TSNARE1: variants seen among roughly 807,000 people sequenced by gnomAD.
TSNARE1 encodes the protein t-SNARE domain-containing protein 1.
A neutral mutation model predicts 62.0 loss-of-function variants in TSNARE1; 49 were observed. The observed-to-expected ratio is 0.79, with a 90% CI of 0.63 to 1.00. The LOEUF is 1.00. Ranked by LOEUF, TSNARE1 falls within the 50% of genes least tolerant of loss-of-function variation. The pLI, the probability that TSNARE1 is intolerant of heterozygous loss-of-function variation, is 0.00. For synonymous variants in TSNARE1, 328 were observed against 294.4 expected (o/e 1.11, Z -1.17); for missense variants, 755 against 700.1 (o/e 1.08, Z -0.88).
At chr8:142,382,534 G>A (rs544208313) in intron 1 of TSNARE1, among the ~76,000 whole-genome samples, 3 of 152,226 alleles carry the variant, frequency 2.0e-5, no homozygotes, top group South Asian at 4.1e-4. Context: ...ACCCCTGCAC[G>A]CAGCTGCACA....
intron 11 of TSNARE1, chr8:142,277,387 G>A (rs1225473521): frequency 1.0e-6 from 1 of 985,272 alleles, no homozygotes; most frequent in East Asian, 1.1e-4. Flanking sequence ...GGACCCCTGT[G>A]GGAGACCCCC....
chr8:142,377,075 T>C (rs2131141930), intron 1 of TSNARE1, among the ~76,000 whole-genome samples: 1 of 152,326 alleles, frequency 6.6e-6, no homozygotes, highest in Middle Eastern at 3.4e-3. Context: ...ACGGGGGACA[T>C]GGCAGCACCC....
chr8:142,384,109 G>A (rs1836956208), intron 1 of TSNARE1, among the ~76,000 whole-genome samples: 1 of 152,156 alleles, frequency 6.6e-6, no homozygotes, highest in East Asian at 1.9e-4. Flanking sequence ...AACCGGGTGA[G>A]AAGGGCTGGC....
At chr8:142,230,989 A>T (rs1817087799) in intron 12 of TSNARE1, among the ~76,000 whole-genome samples, 3 of 151,002 alleles carry the variant, frequency 2.0e-5, no homozygotes, top group Non-Finnish European at 4.4e-5. Context: ...CCATCCATTC[A>T]ACCATCCATC....
At chr8:142,375,564 C>A (rs932967874) in intron 1 of TSNARE1, among the ~76,000 whole-genome samples, 1 of 152,214 alleles carries the variant, frequency 6.6e-6, no homozygotes, top group Non-Finnish European at 1.5e-5. Context: ...GAATGCTCAG[C>A]CCACTGGGCA....
At chr8:142,347,352 G>A (rs997092666) in intron 2 of TSNARE1, among the ~76,000 whole-genome samples, 3 of 152,240 alleles carry the variant, frequency 2.0e-5, no homozygotes, top group African/African-American at 7.2e-5. Flanking sequence ...AGTCACAGAG[G>A]GAGGGATCCC....
chr8:142,376,017 C>A (rs1836306782), intron 1 of TSNARE1, among the ~76,000 whole-genome samples: 1 of 152,202 alleles, frequency 6.6e-6, no homozygotes, highest in African/African-American at 2.4e-5. Flanking sequence ...CTTCACAAGT[C>A]GGACCAGCCG....
In TSNARE1 at chr8:142,319,923, G is replaced by A. The variant is rs1031725523; in HGVS notation, c.894-1289C>T. Among the ~76,000 whole-genome samples the A allele has an allele frequency of 7.9e-5, 12 of 152,282 alleles. No individual in the cohort carries two copies. Among genetic ancestry groups the A allele is most frequent in the African/African-American group, 2.4e-4 (10 of 41,566 alleles). On this transcript the variant is annotated intron_variant, in intron 6 of 13. Coordinates refer to ENST00000524325, the MANE Select transcript of TSNARE1 (RefSeq NM_145003.5). This position sits in a 1 kb window ranked among gnomAD's most constrained non-coding sequence, Gnocchi z 4.9. Reference sequence around the variant, plus strand: ...CTTCCCCGGGGCCTTGGTCAGGGCCGCCTCCTCCTGCAGCTGGCGTCTGAG... The same window carrying A: ...CTTCCCCGGGGCCTTGGTCAGGGCCACCTCCTCCTGCAGCTGGCGTCTGAG...
intron 12 of TSNARE1, among the ~76,000 whole-genome samples, chr8:142,258,629 G>T (rs1397703042): frequency 6.6e-6 from 1 of 152,078 alleles, no homozygotes; most frequent in Non-Finnish European, 1.5e-5. Flanking sequence ...TCACGGGCAT[G>T]TACCACCACA....
At chr8:142,397,806 G>A (rs373884194) in intron 1 of TSNARE1, among the ~76,000 whole-genome samples, 104 of 152,064 alleles carry the variant, frequency 6.8e-4, no homozygotes, top group African/African-American at 2.0e-3. Context: ...CCAATCCATC[G>A]AGGGGGCCCA....
chr8:142,358,850 G>A (rs187724636), intron 1 of TSNARE1, among the ~76,000 whole-genome samples: 3 of 152,096 alleles, frequency 2.0e-5, no homozygotes, highest in Admixed American at 6.5e-5. Flanking sequence ...CCCCCCAGGT[G>A]CCCCACGCTT....
intron 4 of TSNARE1, among the ~76,000 whole-genome samples, chr8:142,338,450 C>A (rs975942600): frequency 6.6e-6 from 1 of 152,224 alleles, no homozygotes; most frequent in Non-Finnish European, 1.5e-5. Context: ...ACCCTGGACA[C>A]CCAACACCCA....
chr8:142,255,683 CCAT>C (rs1818436602), intron 12 of TSNARE1, among the ~76,000 whole-genome samples: 1 of 40,834 alleles, frequency 2.4e-5, no homozygotes, highest in Non-Finnish European at 6.6e-5. Context: ...ACCACCACCA[CCAT>C]CACCATCACC....
intron 12 of TSNARE1, among the ~76,000 whole-genome samples, chr8:142,250,098 G>A (rs1043292674): frequency 6.6e-6 from 1 of 152,130 alleles, no homozygotes; most frequent in Non-Finnish European, 1.5e-5. Flanking sequence ...GAGACCTGCT[G>A]GAGCCAGGCC....
chr8:142,265,525 G>A (rs1819090075), intron 12 of TSNARE1, among the ~76,000 whole-genome samples: 1 of 152,136 alleles, frequency 6.6e-6, no homozygotes, highest in Admixed American at 6.5e-5. Flanking sequence ...TTCCACTTTG[G>A]GGCCATGGCA....
chr8:142,222,865 CACTCATTCACTT>C (rs1322943521), intron 13 of TSNARE1, among the ~76,000 whole-genome samples: 7 of 151,102 alleles, frequency 4.6e-5, no homozygotes, highest in African/African-American at 1.7e-4. Context: ...CTCATCCACT[CACTCATTCACTT>C]ACTCATCCAC....
rs562163276 is a variant in TSNARE1 at position 142,288,353 on chromosome 8, C to T, written c.1291-3868G>A. The stretch of plus-strand genomic sequence containing the variant: ...GTCAACTTCCACAACCCCAAAAGCG[C>T]GGGCTGGGACACGGTGTTCCCAAGA... On this transcript the variant is annotated intron_variant, in intron 10 of 13. Transcript: ENST00000524325. Among the ~76,000 whole-genome samples the T allele has an allele frequency of 1.1e-4, 16 of 152,370 alleles. No homozygotes were observed. The East Asian group carries it at 2.7e-3, about 26-fold the overall frequency.
intron 10 of TSNARE1, among the ~76,000 whole-genome samples, chr8:142,290,772 G>GC (rs1823613673): frequency 6.6e-6 from 1 of 152,260 alleles, no homozygotes; most frequent in Non-Finnish European, 1.5e-5. Context: ...GGGCCTTGGA[G>GC]CCCCGCCTGG....
intron 10 of TSNARE1, among the ~76,000 whole-genome samples, chr8:142,299,729 C>T (rs898330093): frequency 1.3e-5 from 2 of 152,070 alleles, no homozygotes; most frequent in Non-Finnish European, 1.5e-5. Flanking sequence ...CTCACATGCA[C>T]GCACACACGT....
Sources: gnomAD v4.1 joint callset for allele counts (sites outside exome capture counted in the v4.1 genomes callset) on GRCh38, gnomAD v4.1.1 for gene constraint, Gnocchi (gnomAD v3.1) non-coding constraint, MANE v1.5 for transcripts, NCBI Gene and HGNC (gene_info 2026-07-23, HGNC 2026-07-21) for gene names.